The following GPSM1 variants were observed in gnomAD, a reference collection of about 807,000 sequenced individuals.
GPSM1 encodes the protein G protein-signaling modulator 1.
Under a neutral mutation model 70.5 loss-of-function variants are expected in GPSM1, and 48 were observed. That is an observed-to-expected ratio of 0.68 (90% CI 0.54 to 0.87). The LOEUF is 0.87. Ranked by LOEUF, GPSM1 falls within the 40% of genes least tolerant of loss-of-function variation. The probability of loss-of-function intolerance (pLI) is 0.00; values close to 1 mark genes in which losing one functional copy is unlikely to be tolerated. For synonymous variants in GPSM1, 416 were observed against 430.1 expected (o/e 0.97, Z 0.41); for missense variants, 981 against 972.6 (o/e 1.01, Z -0.11).
chr9:136,353,565 T>C (rs1216650207), intron 11 of GPSM1, among the ~76,000 whole-genome samples: 2 of 152,116 alleles, frequency 1.3e-5, no homozygotes, highest in East Asian at 3.9e-4. Flanking sequence ...TGCCCCCATG[T>C]GAGGGAGGCA....
chr9:136,356,770 AC>A (rs1286400538), intron 13 of GPSM1, among the ~76,000 whole-genome samples: 6 of 151,658 alleles, frequency 4.0e-5, no homozygotes, highest in East Asian at 1.9e-4. Flanking sequence ...GACACCAGAG[AC>A]CCCCCCTGGC....
rs375677165 is a variant in GPSM1 at position 136,335,954 on chromosome 9, C to T, written c.291-12C>T. 1.3e-4 allele frequency: 206 copies of T among 1,611,256 alleles called. 1 individual carries two copies. Among genetic ancestry groups the T allele is most frequent in the Admixed American group, 2.3e-4 (14 of 59,904 alleles). Reference sequence around the variant, plus strand: ...TCCTCAGCCTGACCCCTCACTCCTCCCTGCCATCCAGGACCATCGGTGACC... The same window carrying T: ...TCCTCAGCCTGACCCCTCACTCCTCTCTGCCATCCAGGACCATCGGTGACC... On this transcript the variant is annotated splice_polypyrimidine_tract_variant and intron_variant, in intron 2 of 13. Transcript: ENST00000440944.
rs375648101 is a variant in GPSM1, at chr9:136,353,037, G to A, written c.1456-2653G>A. 74 of 961,454 alleles carry A rather than the reference G, an allele frequency of 7.7e-5. No individual in the cohort carries two copies. In the African/African-American group the frequency reaches 1.1e-3, roughly 15 times the overall value. 59.6% of individuals were successfully genotyped at this position (961,454 alleles called of 1,614,324 possible). ...CCTCAGGCATCCCAGCATTGAGGCA[G>A]CACTTGGCACTTTGGGCAGGGCGGT... On this transcript the variant is annotated intron_variant, in intron 11 of 13. Coordinates refer to ENST00000440944, the MANE Select transcript of GPSM1 (RefSeq NM_001145638.3).
intron 11 of GPSM1, chr9:136,354,961 G>T (rs1218027774): frequency 7.4e-5 from 77 of 1,045,436 alleles, no homozygotes; most frequent in Non-Finnish European, 8.7e-5. Flanking sequence ...ACGGACAGAG[G>T]CCTGGACTGG....
At chr9:136,332,143 A>G (rs1588689126) in intron 1 of GPSM1, 1 of 399,354 alleles carries the variant, frequency 2.5e-6, no homozygotes, top group East Asian at 3.6e-5. Flanking sequence ...CTCTACGTGC[A>G]GAAGATGCGA....
At chr9:136,335,615 GC>G (rs1554769091) in intron 2 of GPSM1, among the ~76,000 whole-genome samples, 1 of 151,916 alleles carries the variant, frequency 6.6e-6, no homozygotes, top group African/African-American at 2.4e-5. Context: ...CCACCATCAG[GC>G]CCCCCAAGTC....
In GPSM1 at chr9:136,341,585, G is replaced by A. The variant is rs1459572824; in HGVS notation, c.1207+592G>A. 5 of 1,016,710 alleles carry A rather than the reference G, an allele frequency of 4.9e-6. No homozygotes were observed. The highest frequency in any genetic ancestry group is 4.0e-5 in the South Asian group (1 of 25,120). The allele number at this position is 1,016,710 out of a possible 1,614,324, so 63.0% of individuals were successfully genotyped here. On this transcript the variant is annotated intron_variant, in intron 9 of 13. Coordinates refer to ENST00000440944, the MANE Select transcript of GPSM1 (RefSeq NM_001145638.3). The surrounding 1 kb of genome is among the most constrained non-coding windows in gnomAD (Gnocchi z 6.7). Reference sequence around the variant, plus strand: ...CAGGGGGGTGGTGCCAGGTTGGGCCGACTTCCTGAGGTGGCTGGCAGGTGG... The same window carrying A: ...CAGGGGGGTGGTGCCAGGTTGGGCCAACTTCCTGAGGTGGCTGGCAGGTGG...
Position 136,336,983 on chromosome 9 carries a change from G to A in GPSM1, c.489G>A (p.Leu163=), listed in dbSNP as rs1403913404. 7 of 1,555,386 alleles carry A rather than the reference G, an allele frequency of 4.5e-6. No homozygotes were observed. The highest frequency in any genetic ancestry group is 6.1e-6 in the Non-Finnish European group (7 of 1,150,012). The change falls in exon 4 of 14, where the codon CTG becomes CTA. Residue 163 remains leucine (L), a synonymous_variant. Coordinates refer to ENST00000440944, the MANE Select transcript of GPSM1 (RefSeq NM_001145638.3). The stretch of plus-strand genomic sequence containing the variant: ...TGTACCACGCCAAAGGCAAGCAACT[G>A]TCCTGGAACGCCGCAAACGCCACGC... The part of the protein sequence containing the change: ...GNVYHAKGKQ[L]SWNAANATQD...
chr9:136,353,595 C>T (rs889622348), intron 11 of GPSM1, among the ~76,000 whole-genome samples: 5 of 152,198 alleles, frequency 3.3e-5, no homozygotes, highest in African/African-American at 1.2e-4. Context: ...CAACAGCTGG[C>T]CCCAGCCTCA....
At chr9:136,347,906 G>A (rs1554771509) in intron 9 of GPSM1, among the ~76,000 whole-genome samples, 1 of 152,136 alleles carries the variant, frequency 6.6e-6, no homozygotes, top group East Asian at 1.9e-4. Context: ...GGCTGTGTTG[G>A]GACAGGGCTG....
chr9:136,356,252 C>A, intron 12 of GPSM1, 90 bp from the exon 13 acceptor site: 3 of 1,017,898 alleles, frequency 2.9e-6, no homozygotes, highest in African/African-American at 1.6e-5. Flanking sequence ...CTGGGCTGGG[C>A]TCAGAGGTCA....
At chr9:136,334,773 G>A in intron 2 of GPSM1, 105 bp downstream of exon 2, 2 of 904,646 alleles carry the variant, frequency 2.2e-6, no homozygotes, top group East Asian at 2.6e-5. Flanking sequence ...TGCTGGCGCG[G>A]TGAGTGGGGA....
intron 9 of GPSM1, among the ~76,000 whole-genome samples, chr9:136,346,579 TG>T (rs1337092162): frequency 6.6e-6 from 1 of 152,054 alleles, no homozygotes; most frequent in Non-Finnish European, 1.5e-5. Context: ...CCTTCCCAGT[TG>T]GGGGTGGAGG....
At chr9:136,336,548 G>A (rs1352166398) in intron 3 of GPSM1, among the ~76,000 whole-genome samples, 4 of 152,170 alleles carry the variant, frequency 2.6e-5, no homozygotes, top group Non-Finnish European at 4.4e-5. Context: ...CCTGTGAGGC[G>A]AGAAAACCAA....
chr9:136,337,801 C>G, intron 5 of GPSM1, 45 bp from the exon 6 acceptor site: 1 of 1,469,706 alleles, frequency 6.8e-7, no homozygotes, highest in Non-Finnish European at 9.5e-7. Context: ...ACGTCAGGCC[C>G]CGGGGCTGCG....
In GPSM1 at chr9:136,327,586, C is replaced by G. The variant is rs1182486105; in HGVS notation, c.-110C>G. 4.8e-6 allele frequency: 1 copy of G among 210,138 alleles called. No individual in the cohort carries two copies. Among genetic ancestry groups the G allele is most frequent in the East Asian group, 1.5e-4 (1 of 6,878 alleles). The allele number at this position is 210,138 out of a possible 1,614,324, so 13.0% of individuals were successfully genotyped here. A position where few individuals can be genotyped will look rare whatever the true frequency, so the allele number is the denominator to read the frequency against. On this transcript the variant is annotated 5_prime_UTR_variant, in exon 1 of 14. Transcript: ENST00000440944. ...GGAGGACGGGCGAACGAGGCGCGGA[C>G]GGACAGGCGGACAGCAGGGCGGACA...
At chr9:136,353,339 G>A (rs1197346254) in intron 11 of GPSM1, among the ~76,000 whole-genome samples, 1 of 152,228 alleles carries the variant, frequency 6.6e-6, no homozygotes, top group Non-Finnish European at 1.5e-5. Context: ...CCTCCGGGAA[G>A]GAGGGAGCCA....
rs189641386 is a variant in GPSM1 at position 136,328,501 on chromosome 9, G to C, written c.68+738G>C. Reference sequence around the variant, plus strand: ...GTGGCAGCCGTCAGAGGCAGGCCTGGCTCCCCAGAGCGAGGGACACTATTG... The same window carrying C: ...GTGGCAGCCGTCAGAGGCAGGCCTGCCTCCCCAGAGCGAGGGACACTATTG... On this transcript the variant is annotated intron_variant, in intron 1 of 13. Coordinates refer to ENST00000440944, the MANE Select transcript of GPSM1 (RefSeq NM_001145638.3). Among the ~76,000 whole-genome samples the C allele has an allele frequency of 3.8e-3, 575 of 152,326 alleles. 4 individuals are homozygous for C. The highest frequency in any genetic ancestry group is 0.034 in the Middle Eastern group (10 of 294).
intron 13 of GPSM1, among the ~76,000 whole-genome samples, chr9:136,357,269 A>AC (rs1832856872): frequency 6.6e-6 from 1 of 152,152 alleles, no homozygotes; most frequent in African/African-American, 2.4e-5. Context: ...CTGGGGGTGG[A>AC]GGCCGCTTGG....
Sources: gnomAD v4.1 joint callset for allele counts (sites outside exome capture counted in the v4.1 genomes callset) on GRCh38, gnomAD v4.1.1 for gene constraint, Gnocchi (gnomAD v3.1) non-coding constraint, MANE v1.5 for transcripts, NCBI Gene and HGNC (gene_info 2026-07-23, HGNC 2026-07-21) for gene names.